Variants in UBE2E2 observed in about 807,000 individuals in gnomAD.
UBE2E2 encodes the protein ubiquitin-conjugating enzyme E2 E2.
UBE2E2 carries 6 observed loss-of-function variants against 24.7 expected under a neutral mutation model. The observed-to-expected ratio is 0.24, with a 90% confidence interval of 0.13 to 0.48. The LOEUF is 0.48. UBE2E2 is among the 20% of genes least tolerant of loss of function. The probability of loss-of-function intolerance (pLI) is 0.99; values close to 1 mark genes in which losing one functional copy is unlikely to be tolerated. For synonymous variants in UBE2E2, 104 were observed against 83.6 expected (o/e 1.24, Z -1.33); for missense variants, 169 against 245.0 (o/e 0.69, Z 2.07).
At chr3:23,422,644 G>A (rs1177522101) in intron 3 of UBE2E2, among the ~76,000 whole-genome samples, 4 of 152,206 alleles carry the variant, frequency 2.6e-5, no homozygotes, top group African/African-American at 9.6e-5. Flanking sequence ...ATACTTGTGG[G>A]TTATCAGGTG....
intron 3 of UBE2E2, among the ~76,000 whole-genome samples, chr3:23,265,179 C>G (rs1002600141): frequency 2.0e-5 from 3 of 151,942 alleles, no homozygotes; most frequent in African/African-American, 7.3e-5. Flanking sequence ...GAAGAAGGAA[C>G]GAATGGAGAA....
chr3:23,315,124 G>A (rs923947073), intron 3 of UBE2E2, among the ~76,000 whole-genome samples: 1 of 151,974 alleles, frequency 6.6e-6, no homozygotes, highest in Non-Finnish European at 1.5e-5. Flanking sequence ...TAGATCTTGT[G>A]TTAGAAAATT....
At chr3:23,427,341 G>A (rs971944428) in intron 3 of UBE2E2, among the ~76,000 whole-genome samples, 1 of 151,846 alleles carries the variant, frequency 6.6e-6, no homozygotes, top group Non-Finnish European at 1.5e-5. Context: ...GAGGCAGGAA[G>A]GTGATTTGCA....
chr3:23,391,586 ATAAAT>A (rs1431895180), intron 3 of UBE2E2, among the ~76,000 whole-genome samples: 2 of 152,212 alleles, frequency 1.3e-5, no homozygotes, highest in Non-Finnish European at 2.9e-5. Context: ...AATAAACTAA[ATAAAT>A]TAATAAATAA....
chr3:23,243,833 G>A (rs1474480370), intron 3 of UBE2E2, among the ~76,000 whole-genome samples: 1 of 151,694 alleles, frequency 6.6e-6, no homozygotes, highest in African/African-American at 2.4e-5. Flanking sequence ...GTAGGAAGCA[G>A]CAGAGTTTGT....
chr3:23,266,898 A>G (rs937488676), intron 3 of UBE2E2, among the ~76,000 whole-genome samples: 2 of 152,186 alleles, frequency 1.3e-5, no homozygotes, highest in Non-Finnish European at 2.9e-5. Flanking sequence ...GGATTAAGAA[A>G]CTCACTCAAA....
chr3:23,478,933 C>A (rs1699195966), intron 3 of UBE2E2, among the ~76,000 whole-genome samples: 1 of 151,502 alleles, frequency 6.6e-6, no homozygotes, highest in Non-Finnish European at 1.5e-5. Context: ...TGGCACATGC[C>A]TGTGGTTCCA....
intron 4 of UBE2E2, among the ~76,000 whole-genome samples, chr3:23,519,368 A>G (rs1418904749): frequency 6.6e-6 from 1 of 152,194 alleles, no homozygotes; most frequent in Non-Finnish European, 1.5e-5. Flanking sequence ...AAAACCAACT[A>G]AAACTTTCAA....
intron 3 of UBE2E2, among the ~76,000 whole-genome samples, chr3:23,319,852 A>T (rs59739083): frequency 6.6e-6 from 1 of 151,872 alleles, no homozygotes; most frequent in Non-Finnish European, 1.5e-5. Context: ...ACAAAAAAAA[A>T]CCCAAAAAAC....
At chr3:23,506,635 A>G (rs1334647358) in intron 4 of UBE2E2, among the ~76,000 whole-genome samples, 5 of 152,044 alleles carry the variant, frequency 3.3e-5, no homozygotes, top group Admixed American at 2.0e-4. Context: ...TGTCCCTTCA[A>G]CAGTACACCC....
At chr3:23,230,597 G>A (rs1007161453) in intron 3 of UBE2E2, among the ~76,000 whole-genome samples, 3 of 151,738 alleles carry the variant, frequency 2.0e-5, no homozygotes, top group South Asian at 2.1e-4. Flanking sequence ...CCAGCCTGAC[G>A]AACATGGTGA....
chr3:23,551,789 G>C (rs941302982), intron 5 of UBE2E2, among the ~76,000 whole-genome samples: 1 of 152,176 alleles, frequency 6.6e-6, no homozygotes, highest in Non-Finnish European at 1.5e-5. Context: ...TCCCAGGCTC[G>C]GCTAGGGCCT....
intron 3 of UBE2E2, among the ~76,000 whole-genome samples, chr3:23,238,697 C>G (rs953873690): frequency 6.6e-6 from 1 of 152,114 alleles, no homozygotes; most frequent in Non-Finnish European, 1.5e-5. Flanking sequence ...AGGATGTGGC[C>G]TAAGTCTAAA....
rs1212198622 is a variant in UBE2E2 at position 23,373,492 on chromosome 3, G to T, written c.228-126116G>T. The stretch of plus-strand genomic sequence containing the variant: ...CAAAGACACTCTGCTTGGTGCCTAA[G>T]ACACCAAAGTGAAAACAACAGCCAT... On this transcript the variant is annotated intron_variant, in intron 3 of 5. Coordinates refer to ENST00000396703, the MANE Select transcript of UBE2E2 (RefSeq NM_152653.4). 3.3e-5 allele frequency among the ~76,000 whole-genome samples: 5 copies of T among 152,162 alleles called. No individual in the cohort carries two copies. The East Asian group carries it at 9.7e-4, about 29-fold the overall frequency.
chr3:23,311,890 A>C (rs1694409136), intron 3 of UBE2E2, among the ~76,000 whole-genome samples: 1 of 152,154 alleles, frequency 6.6e-6, no homozygotes, highest in African/African-American at 2.4e-5. Flanking sequence ...ATACTCCTTC[A>C]TATGGTTTGG....
At chr3:23,554,516 A>C (rs1222702276) in intron 5 of UBE2E2, among the ~76,000 whole-genome samples, 3 of 152,184 alleles carry the variant, frequency 2.0e-5, no homozygotes, top group Non-Finnish European at 2.9e-5. Context: ...TCTCTCTTTA[A>C]AAAAATAAAA....
chr3:23,344,828 A>AAAAAAAATT (rs1403729292), intron 3 of UBE2E2, among the ~76,000 whole-genome samples: 6 of 152,156 alleles, frequency 3.9e-5, no homozygotes, highest in Non-Finnish European at 2.9e-5. Flanking sequence ...TATTAAAAAA[A>AAAAAAAATT]AAAAAAATTA....
chr3:23,364,850 A>T (rs1047572632), intron 3 of UBE2E2, among the ~76,000 whole-genome samples: 2 of 152,190 alleles, frequency 1.3e-5, no homozygotes, highest in African/African-American at 4.8e-5. Flanking sequence ...ATTCCTGATG[A>T]CCATAGAAGC....
At chr3:23,246,899 A>G (rs1277323946) in intron 3 of UBE2E2, among the ~76,000 whole-genome samples, 1 of 152,098 alleles carries the variant, frequency 6.6e-6, no homozygotes, top group Non-Finnish European at 1.5e-5. Flanking sequence ...TTAAAAAGAA[A>G]AAAATAGAGA....
Sources: gnomAD v4.1 joint callset for allele counts (sites outside exome capture counted in the v4.1 genomes callset) on GRCh38, gnomAD v4.1.1 for gene constraint, MANE v1.5 for transcripts, NCBI Gene and HGNC (gene_info 2026-07-23, HGNC 2026-07-21) for gene names.